The following USP15 variants were observed in gnomAD, a reference collection of about 807,000 sequenced individuals.
The protein encoded by USP15 is ubiquitin carboxyl-terminal hydrolase 15.
USP15 carries 18 observed loss-of-function variants against 127.1 expected under a neutral mutation model. The ratio of observed to expected loss-of-function variants is 0.14; its 90% CI spans 0.10 to 0.21. The LOEUF is 0.21. Ranked by LOEUF, USP15 falls within the 10% of genes least tolerant of loss-of-function variation. The probability of loss-of-function intolerance (pLI) is 1.00; values close to 1 mark genes in which losing one functional copy is unlikely to be tolerated. For missense variants in USP15, 805 were observed against 1,159.9 expected, an observed-to-expected ratio of 0.69 and a Z score of 4.44; for synonymous variants, 364 against 393.7, an observed-to-expected ratio of 0.92 and a Z score of 0.89.
intron 13 of USP15, 25 bp from the exon 14 acceptor site, chr12:62,389,772 T>A (rs752992554): frequency 6.2e-7 from 1 of 1,601,588 alleles, no homozygotes; most frequent in Admixed American, 1.7e-5. Flanking sequence ...ATTTTGAGAG[T>A]TTATGGTCAG....
chr12:62,401,350 G>T (rs1454373141), intron 21 of USP15, 75 bp downstream of exon 21: 32 of 1,150,796 alleles, frequency 2.8e-5, no homozygotes, highest in Non-Finnish European at 3.7e-5. Context: ...AATAAAAGGG[G>T]CTCATGGAAC....
intron 8 of USP15, among the ~76,000 whole-genome samples, chr12:62,356,739 T>C (rs78030427): frequency 8.5e-5 from 13 of 152,134 alleles, no homozygotes; most frequent in African/African-American, 3.1e-4. Flanking sequence ...TAGCACTAGT[T>C]AGACATAGAG....
chr12:62,328,255 A>G (rs772606089), intron 6 of USP15: 3 of 448,384 alleles, frequency 6.7e-6, no homozygotes, highest in South Asian at 4.7e-5. Context: ...TGTTTTTTCT[A>G]TACCGAGAGA....
intron 1 of USP15, among the ~76,000 whole-genome samples, chr12:62,269,119 C>T (rs2063277048): frequency 6.6e-6 from 1 of 152,068 alleles, no homozygotes; most frequent in African/African-American, 2.4e-5. Flanking sequence ...TCATGAGTCA[C>T]TTAATGACAA....
At chr12:62,277,206 A>G (rs991834206) in intron 1 of USP15, among the ~76,000 whole-genome samples, 5 of 152,148 alleles carry the variant, frequency 3.3e-5, no homozygotes, top group Non-Finnish European at 7.4e-5. Context: ...TTCCACTTCC[A>G]CAAGCAGACA....
chr12:62,270,251 C>G (rs1376294773), intron 1 of USP15, among the ~76,000 whole-genome samples: 1 of 151,990 alleles, frequency 6.6e-6, no homozygotes, highest in Admixed American at 6.6e-5. Context: ...TGTAAAAGTT[C>G]TCTAGATACA....
At chr12:62,385,265 T>A (rs1407098749) in intron 11 of USP15, among the ~76,000 whole-genome samples, 1 of 151,914 alleles carries the variant, frequency 6.6e-6, no homozygotes, top group Non-Finnish European at 1.5e-5. Flanking sequence ...AAGATATGAT[T>A]CCTGCTTTAG....
rs1275023445 is a variant in USP15, at chr12:62,365,950, C to T, written c.915+10475C>T. ...TACCAGTACCATGCTGTTTTGGCTA[C>T]TGTAGCCTTGTAGTATAGTTTCAAG... is the stretch of plus-strand genomic sequence containing the variant. On this transcript the variant is annotated intron_variant, in intron 8 of 21. Transcript: ENST00000280377. 3.9e-5 allele frequency among the ~76,000 whole-genome samples: 6 copies of T among 152,220 alleles called. No homozygotes were observed. In the East Asian group the frequency reaches 1.2e-3, roughly 29 times the overall value.
At chr12:62,341,768 C>G (rs1013603397) in intron 6 of USP15, among the ~76,000 whole-genome samples, 19 of 152,188 alleles carry the variant, frequency 1.2e-4, no homozygotes, top group African/African-American at 4.3e-4. Flanking sequence ...TGATGGGCTT[C>G]CCTTTGTAGG....
chr12:62,270,106 T>G (rs2063313349), intron 1 of USP15, among the ~76,000 whole-genome samples: 1 of 152,130 alleles, frequency 6.6e-6, no homozygotes, highest in African/African-American at 2.4e-5. Flanking sequence ...TAGTTTTGAT[T>G]TGCATTTTCT....
chr12:62,311,724 T>TGC (rs1414731580), intron 3 of USP15, among the ~76,000 whole-genome samples: 5 of 151,676 alleles, frequency 3.3e-5, no homozygotes, highest in African/African-American at 4.8e-5. Context: ...TCACCATCTA[T>TGC]GCAGTGGTCT....
chr12:62,297,000 G>A (rs2064150458), intron 2 of USP15, among the ~76,000 whole-genome samples: 1 of 152,188 alleles, frequency 6.6e-6, no homozygotes, highest in South Asian at 2.1e-4. Context: ...GAGGGTAGGT[G>A]GTTGCTGCAG....
At chr12:62,372,095 C>T (rs2066691129) in intron 8 of USP15, among the ~76,000 whole-genome samples, 1 of 152,094 alleles carries the variant, frequency 6.6e-6, no homozygotes, top group Admixed American at 6.6e-5. Flanking sequence ...GTTTGCAAAA[C>T]ACTGCATTAG....
At chr12:62,281,050 G>A (rs1169783914) in intron 1 of USP15, among the ~76,000 whole-genome samples, 1 of 152,130 alleles carries the variant, frequency 6.6e-6, no homozygotes, top group African/African-American at 2.4e-5. Context: ...TCAGGTCTTT[G>A]TTCATTGTTT....
At chr12:62,336,428 T>G in intron 6 of USP15, 1 of 985,412 alleles carries the variant, frequency 1.0e-6, no homozygotes, top group Non-Finnish European at 1.2e-6. Context: ...CTTTCTTCTC[T>G]TGTCTAGTTA....
In USP15 at chr12:62,390,880, T is replaced by A; in HGVS notation, c.1861T>A (p.Ser621Thr). 6.2e-7 allele frequency: 1 copy of A among 1,610,662 alleles called. No homozygotes were observed. Among genetic ancestry groups the A allele is most frequent in the Non-Finnish European group, 8.5e-7 (1 of 1,177,868 alleles). The stretch of plus-strand genomic sequence containing the variant: ...TTACTTAAGCCGATATGTCAAAATA[T>A]CTACTGAAACTGAAGAAACTGAAGG... ...LLRMCRYVKI[S>T]TETEETEGSL... is the part of the protein sequence containing the mutation. Residue 621 changes from serine to threonine, a missense_variant, in exon 15 of 22, where the codon TCT becomes ACT. Transcript: ENST00000280377.
chr12:62,306,826 G>A (rs1376914122), intron 3 of USP15, among the ~76,000 whole-genome samples: 1 of 152,076 alleles, frequency 6.6e-6, no homozygotes, highest in African/African-American at 2.4e-5. Flanking sequence ...GCAGCCAAGG[G>A]TGTGACTGTA....
intron 4 of USP15, among the ~76,000 whole-genome samples, chr12:62,316,191 C>CA (rs2064824961): frequency 6.9e-6 from 1 of 145,698 alleles, no homozygotes; most frequent in African/African-American, 2.5e-5. Flanking sequence ...GAGGCTGAGG[C>CA]AAAAAAATTG....
Position 62,299,576 on chromosome 12 carries a change from T to C in USP15, c.218-3214T>C, listed in dbSNP as rs575588722. On this transcript the variant is annotated intron_variant, in intron 2 of 21. Coordinates refer to ENST00000280377, the MANE Select transcript of USP15 (RefSeq NM_001252078.2). ...TATGCACTCATCAGTTGATGGACAT[T>C]TGAGTTGTTTTCACGTTTTGGCTCT... Among the ~76,000 whole-genome samples, 5 of 152,346 alleles carry C rather than the reference T, an allele frequency of 3.3e-5. No homozygotes were observed. The South Asian group carries it at 1.0e-3, about 32-fold the overall frequency.
Sources: gnomAD v4.1 joint callset for allele counts (sites outside exome capture counted in the v4.1 genomes callset) on GRCh38, gnomAD v4.1.1 for gene constraint, MANE v1.5 for transcripts, NCBI Gene and HGNC (gene_info 2026-07-23, HGNC 2026-07-21) for gene names.